NTRK2: variants seen among roughly 807,000 people sequenced by gnomAD.
NTRK2 encodes the protein BDNF/NT-3 growth factors receptor.
A neutral mutation model predicts 94.5 loss-of-function variants in NTRK2; 13 were observed. The observed-to-expected ratio is 0.14, with a 90% confidence interval of 0.09 to 0.22. NTRK2 has a LOEUF of 0.22. Among genes scored for constraint, NTRK2 ranks in the 10% least tolerant of loss-of-function variants. The probability of loss-of-function intolerance (pLI) is 1.00; values close to 1 mark genes in which losing one functional copy is unlikely to be tolerated. For synonymous variants in NTRK2, 372 were observed against 407.4 expected (o/e 0.91, Z 1.05); for missense variants, 639 against 1,071.2 (o/e 0.60, Z 5.63).
chr9:84,791,482 A>G (rs2068728643), intron 12 of NTRK2, among the ~76,000 whole-genome samples: 1 of 152,066 alleles, frequency 6.6e-6, no homozygotes, highest in Non-Finnish European at 1.5e-5. Flanking sequence ...GGGCCATTTT[A>G]AAAAGTTCAT....
intron 9 of NTRK2, among the ~76,000 whole-genome samples, chr9:84,728,400 A>T (rs1244013644): frequency 2.0e-5 from 3 of 152,206 alleles, no homozygotes; most frequent in Non-Finnish European, 2.9e-5. Context: ...TACACACTGG[A>T]TTAATAACTA....
intron 2 of NTRK2, among the ~76,000 whole-genome samples, chr9:84,690,134 C>T (rs1347806339): frequency 2.0e-5 from 3 of 152,090 alleles, no homozygotes; most frequent in African/African-American, 4.8e-5. Context: ...TGGGAAGTGT[C>T]CCTGAATTTC....
intron 12 of NTRK2, among the ~76,000 whole-genome samples, chr9:84,769,028 C>T (rs1377984106): frequency 6.6e-5 from 10 of 151,984 alleles, no homozygotes; most frequent in Admixed American, 2.6e-4. Context: ...GGCAGACGAA[C>T]GTGGAAGTCC....
rs191825963 is a variant in NTRK2, at chr9:84,747,327, C to T, written c.1296+2254C>T. Among the ~76,000 whole-genome samples, 25 of 151,994 alleles carry T rather than the reference C, an allele frequency of 1.6e-4. 1 individual carries two copies. The highest frequency in any genetic ancestry group is 7.2e-4 in the Admixed American group (11 of 15,260). On this transcript the variant is annotated intron_variant, in intron 11 of 18. Coordinates refer to ENST00000277120, the MANE Select transcript of NTRK2 (RefSeq NM_006180.6). ...CTGGGGAATGGTATCTGCTTCCTGC[C>T]GTATGCAATCATTTTAGTTTTTAAT...
chr9:84,817,750 G>C (rs1056129701), intron 12 of NTRK2, among the ~76,000 whole-genome samples: 1 of 152,168 alleles, frequency 6.6e-6, no homozygotes, highest in Non-Finnish European at 1.5e-5. Flanking sequence ...ACTTAGAAAC[G>C]AGTATTCACA....
rs200045904 is a variant in NTRK2 at position 85,020,192 on chromosome 9, C to T, written c.2173-14C>T. The T allele has an allele frequency of 1.1e-5, 18 of 1,613,798 alleles. No individual in the cohort carries two copies. The highest frequency in any genetic ancestry group is 1.4e-5 in the Non-Finnish European group (16 of 1,179,964). The stretch of plus-strand genomic sequence containing the variant: ...GGGTGACTGATGCCTCCCTGTTGAT[C>T]CCTTTCTCCCCAGGTCGGTGGCCAC... On this transcript the variant is annotated splice_polypyrimidine_tract_variant and intron_variant, in intron 17 of 18. Transcript: ENST00000277120.
At chr9:84,708,260 G>T (rs998924806) in intron 5 of NTRK2, among the ~76,000 whole-genome samples, 1 of 152,118 alleles carries the variant, frequency 6.6e-6, no homozygotes, top group African/African-American at 2.4e-5. Context: ...GCTCTGGTTT[G>T]GTTCCTGTTG....
At chr9:84,698,980 C>T (rs528193268) in intron 2 of NTRK2, among the ~76,000 whole-genome samples, 6 of 151,846 alleles carry the variant, frequency 4.0e-5, no homozygotes, top group South Asian at 2.1e-4. Context: ...CATGACTACA[C>T]GTAGTAGCTT....
chr9:84,948,178 C>T (rs926160561), intron 15 of NTRK2, among the ~76,000 whole-genome samples: 1 of 152,280 alleles, frequency 6.6e-6, no homozygotes, highest in South Asian at 2.1e-4. Flanking sequence ...GGGAAAGAAG[C>T]CCGTGGGAAT....
Position 84,811,964 on chromosome 9 carries a change from C to T in NTRK2, c.1397-49076C>T, listed in dbSNP as rs200809487. On this transcript the variant is annotated intron_variant, in intron 12 of 18. Transcript: ENST00000277120. The stretch of plus-strand genomic sequence containing the variant: ...TATCAGGAGGACTTCAGAGCCAGGC[C>T]TGCAGCATTTTGTTTGAAAACACAA... The T allele has an allele frequency of 7.9e-4, 836 of 1,059,302 alleles. 1 individual carries two copies. Among genetic ancestry groups the T allele is most frequent in the Middle Eastern group, 1.3e-3 (3 of 2,368 alleles). The allele number at this position is 1,059,302 out of a possible 1,614,324, so 65.6% of individuals were successfully genotyped here. A position where few individuals can be genotyped will look rare whatever the true frequency, so the allele number is the denominator to read the frequency against.
At chr9:84,898,688 T>G (rs2076834987) in intron 14 of NTRK2, among the ~76,000 whole-genome samples, 1 of 152,048 alleles carries the variant, frequency 6.6e-6, no homozygotes, top group South Asian at 2.1e-4. Flanking sequence ...CCCATTTTTT[T>G]TTTTCTAAGA....
At chr9:85,001,839 G>A (rs1830373648) in intron 17 of NTRK2, among the ~76,000 whole-genome samples, 1 of 152,232 alleles carries the variant, frequency 6.6e-6, no homozygotes, top group Admixed American at 6.5e-5. Flanking sequence ...CTCTAGAACA[G>A]GTAGTAAACA....
intron 17 of NTRK2, among the ~76,000 whole-genome samples, chr9:84,957,205 T>C (rs1254106517): frequency 6.6e-6 from 1 of 152,142 alleles, no homozygotes; most frequent in Non-Finnish European, 1.5e-5. Context: ...GGCAAAGGCT[T>C]TCTCTCTGCA....
rs191592699 is a variant in NTRK2, at chr9:84,941,995, C to A, written c.1765-6467C>A. On this transcript the variant is annotated intron_variant, in intron 15 of 18. Transcript: ENST00000277120. ...GAGAAAATAGAGATAGCAGTGAACA[C>A]CCTGGCTATAAATCTTGTATATGAG... is the stretch of plus-strand genomic sequence containing the variant. Among the ~76,000 whole-genome samples, 297 of 152,270 alleles carry A rather than the reference C, an allele frequency of 2.0e-3. 2 individuals carry two copies. Among genetic ancestry groups the A allele is most frequent in the African/African-American group, 6.9e-3 (288 of 41,542 alleles).
chr9:84,781,392 G>T (rs1289988801), intron 12 of NTRK2, among the ~76,000 whole-genome samples: 2 of 150,894 alleles, frequency 1.3e-5, no homozygotes, highest in Non-Finnish European at 2.9e-5. Flanking sequence ...ACATTCTCTG[G>T]TATATCATAC....
chr9:84,751,964 C>T (rs1179282780), intron 11 of NTRK2, 22 bp from the exon 12 acceptor site: 1 of 1,604,044 alleles, frequency 6.2e-7, no homozygotes, highest in African/African-American at 1.3e-5. Context: ...AGGTTATAAC[C>T]ACCCTCCCTT....
intron 13 of NTRK2, 97 bp downstream of exon 13, chr9:84,861,184 G>C: frequency 1.0e-6 from 1 of 966,442 alleles, no homozygotes; most frequent in East Asian, 2.5e-5. Context: ...CACGGTCTTT[G>C]ATTCATTTTC....
chr9:84,777,070 T>G (rs1183972116), intron 12 of NTRK2, among the ~76,000 whole-genome samples: 1 of 152,190 alleles, frequency 6.6e-6, no homozygotes, highest in Non-Finnish European at 1.5e-5. Flanking sequence ...ATACCTAGAT[T>G]GTACTCATGG....
chr9:84,688,785 C>CT (rs1222683393), intron 2 of NTRK2, among the ~76,000 whole-genome samples: 2 of 152,156 alleles, frequency 1.3e-5, no homozygotes, highest in African/African-American at 4.8e-5. Context: ...CTCACGATGT[C>CT]TTTTTTCCTG....
Sources: gnomAD v4.1 joint callset for allele counts (sites outside exome capture counted in the v4.1 genomes callset) on GRCh38, gnomAD v4.1.1 for gene constraint, MANE v1.5 for transcripts, NCBI Gene and HGNC (gene_info 2026-07-23, HGNC 2026-07-21) for gene names.